Variants in ABR observed in about 807,000 individuals in gnomAD.
ABR encodes the protein active breakpoint cluster region-related protein.
ABR carries 35 observed loss-of-function variants against 107.2 expected under a neutral mutation model. That is an observed-to-expected ratio of 0.33 (90% CI 0.25 to 0.43). ABR has a LOEUF of 0.43. Ranked by LOEUF, ABR falls within the 20% of genes least tolerant of loss-of-function variation. ABR has a pLI of 1.00. For missense variants in ABR, 815 were observed against 1,115.2 expected (o/e 0.73, Z 3.83); for synonymous variants, 498 against 462.0 (o/e 1.08, Z -1.00).
intron 2 of ABR, among the ~76,000 whole-genome samples, chr17:1,118,460 G>A (rs78003297): frequency 5.0e-5 from 2 of 40,174 alleles, no homozygotes; most frequent in Admixed American, 2.9e-4. Flanking sequence ...TCCTCCCAGC[G>A]TTATCCCTGA....
chr17:1,106,033 G>C (rs1344630953), intron 2 of ABR, among the ~76,000 whole-genome samples: 1 of 152,180 alleles, frequency 6.6e-6, no homozygotes, highest in Admixed American at 6.5e-5. Flanking sequence ...TTTGGCAAGT[G>C]TAAGCCATTT....
intron 1 of ABR, among the ~76,000 whole-genome samples, chr17:1,153,254 G>A (rs1427105035): frequency 6.6e-6 from 1 of 152,198 alleles, no homozygotes; most frequent in African/African-American, 2.4e-5. Context: ...AAGGCCCCCT[G>A]ACACTACATG....
chr17:1,091,347 C>T (rs1465037939), intron 4 of ABR, among the ~76,000 whole-genome samples: 1 of 152,000 alleles, frequency 6.6e-6, no homozygotes, highest in Non-Finnish European at 1.5e-5. Context: ...GAAGGAGCAC[C>T]CTCCGGGAGA....
At chr17:1,159,250 G>A (rs953304972) in intron 1 of ABR, among the ~76,000 whole-genome samples, 67 of 127,368 alleles carry the variant, frequency 5.3e-4, no homozygotes, top group African/African-American at 8.8e-4. Flanking sequence ...ACTCACACAC[G>A]GGAGAAGTAG....
chr17:1,026,414 G>A (rs564007407), intron 16 of ABR, among the ~76,000 whole-genome samples: 4 of 152,352 alleles, frequency 2.6e-5, no homozygotes, highest in South Asian at 2.1e-4. Context: ...TGGCTGTGCC[G>A]GTCATCGGTA....
chr17:1,065,801 A>T (rs1186930574), intron 10 of ABR, among the ~76,000 whole-genome samples: 2 of 141,142 alleles, frequency 1.4e-5, no homozygotes, highest in Non-Finnish European at 3.0e-5. Flanking sequence ...GCTGGAGTGC[A>T]GCAGCGGAAT....
chr17:1,051,075 C>T lies in ABR; in HGVS notation c.1562-441G>A, dbSNP rs2032450432. Among the ~76,000 whole-genome samples, 1 of 152,162 alleles carries T rather than the reference C, an allele frequency of 6.6e-6. No individual in the cohort carries two copies. Among genetic ancestry groups the T allele is most frequent in the Non-Finnish European group, 1.5e-5 (1 of 68,028 alleles). The stretch of plus-strand genomic sequence containing the variant: ...TCTCCCCGTAACATGGGTGCCCAGG[C>T]CTCAACAGCGGCATTTGGGGTGGGA... On this transcript the variant is annotated intron_variant, in intron 14 of 22. Coordinates refer to ENST00000302538, the MANE Select transcript of ABR (RefSeq NM_021962.5). The surrounding 1 kb of genome is among the most constrained non-coding windows in gnomAD (Gnocchi z 4.3).
rs550452360 is a variant in ABR at position 1,223,445 on chromosome 17, G to A, written c.838+5348C>T. ...AGAGGGAAGTACTAATATTTGAGGCGGTACAGCTTGGTGTGCGAAAGCATG... is the reference window on the plus strand; with the variant it reads ...AGAGGGAAGTACTAATATTTGAGGCAGTACAGCTTGGTGTGCGAAAGCATG... On this transcript the variant is annotated intron_variant, in intron 1 of 22. Coordinates refer to the ABR transcript ENST00000574139. Among the ~76,000 whole-genome samples, 9 of 152,232 alleles carry A rather than the reference G, an allele frequency of 5.9e-5. No individual in the cohort carries two copies. The South Asian group carries it at 6.2e-4, about 11-fold the overall frequency.
chr17:1,122,886 G>A (rs1320521065), intron 2 of ABR, among the ~76,000 whole-genome samples: 2 of 152,196 alleles, frequency 1.3e-5, no homozygotes, highest in Non-Finnish European at 2.9e-5. Flanking sequence ...GCGATAAGGC[G>A]GTGCCAGAAG....
intron 2 of ABR, among the ~76,000 whole-genome samples, chr17:1,124,048 C>T (rs2039476941): frequency 6.6e-6 from 1 of 152,178 alleles, no homozygotes; most frequent in South Asian, 2.1e-4. Context: ...GCCTCTGTTG[C>T]CATGGCAGCA....
At position 1,035,149 on chromosome 17, in the gene ABR, G is replaced by A. The variant is rs567070369; in HGVS notation, c.1791+14901C>T. 6.3e-4 allele frequency among the ~76,000 whole-genome samples: 95 copies of A among 151,918 alleles called. 1 individual carries two copies. Among genetic ancestry groups the A allele is most frequent in the African/African-American group, 2.2e-3 (89 of 41,372 alleles). ...CAAGCCCGACTCATTGCTTCCTGGAGTCAATGGTCTTGGGTGGAAGAAGAT... is the reference window on the plus strand; with the variant it reads ...CAAGCCCGACTCATTGCTTCCTGGAATCAATGGTCTTGGGTGGAAGAAGAT... On this transcript the variant is annotated intron_variant, in intron 16 of 22. Transcript: ENST00000302538.
chr17:1,165,554 G>A (rs28644291), intron 1 of ABR, among the ~76,000 whole-genome samples: 40,657 of 151,858 alleles, frequency 0.27, 5,619 homozygotes, highest in Non-Finnish European at 0.32. Context: ...TTTCTGAGAC[G>A]AAGTTGTGCT....
intron 6 of ABR, among the ~76,000 whole-genome samples, chr17:1,075,557 A>G (rs1237229745): frequency 6.6e-6 from 1 of 150,726 alleles, no homozygotes; most frequent in Non-Finnish European, 1.5e-5. Context: ...TGCCTGTCGG[A>G]ATCACTGGGG....
At chr17:1,065,718 C>G (rs1423840664) in intron 10 of ABR, among the ~76,000 whole-genome samples, 1 of 150,098 alleles carries the variant, frequency 6.7e-6, no homozygotes, top group Non-Finnish European at 1.5e-5. Context: ...TTTACCTTGT[C>G]AGTTTGAACT....
chr17:1,015,938 G>A (rs1359556174), intron 16 of ABR, among the ~76,000 whole-genome samples: 1 of 152,174 alleles, frequency 6.6e-6, no homozygotes, highest in Non-Finnish European at 1.5e-5. Context: ...TTGTAAAGAT[G>A]TGCAGGTGCT....
intron 21 of ABR, among the ~76,000 whole-genome samples, chr17:1,008,231 G>T (rs2070219308): frequency 1.3e-5 from 2 of 152,208 alleles, no homozygotes; most frequent in African/African-American, 4.8e-5. Context: ...GCAGGCCCAG[G>T]GTCAGCAAAC....
rs922499568 is a variant in ABR, at chr17:1,150,721, A to C, written c.62-25354T>G. Among the ~76,000 whole-genome samples, 1 of 152,174 alleles carries C rather than the reference A, an allele frequency of 6.6e-6. No individual in the cohort carries two copies. Among genetic ancestry groups the C allele is most frequent in the Non-Finnish European group, 1.5e-5 (1 of 68,026 alleles). On this transcript the variant is annotated intron_variant, in intron 1 of 22. Coordinates refer to ENST00000302538, the MANE Select transcript of ABR (RefSeq NM_021962.5). This position sits in a 1 kb window ranked among gnomAD's most constrained non-coding sequence, Gnocchi z 4.8. ...CCTGCACGGCTCTAAACCAGAGGCA[A>C]CAGGGCACCCCACCCACTGGGAACC...
intron 1 of ABR, among the ~76,000 whole-genome samples, chr17:1,128,359 A>G (rs1168506774): frequency 2.6e-5 from 4 of 152,226 alleles, no homozygotes; most frequent in Non-Finnish European, 5.9e-5. Context: ...CAGATCTCAA[A>G]AAAGAAGAAA....
At chr17:1,096,767 CCCCGGGTGG>C (rs2037467760) in intron 3 of ABR, among the ~76,000 whole-genome samples, 1 of 137,680 alleles carries the variant, frequency 7.3e-6, no homozygotes, top group Non-Finnish European at 1.6e-5. Context: ...GGGGAACCTG[CCCCGGGTGG>C]AGAGAGCTGG....
Sources: allele counts gnomAD v4.1 joint callset (sites outside exome capture counted in the v4.1 genomes callset), GRCh38; gene constraint gnomAD v4.1.1; non-coding constraint Gnocchi (gnomAD v3.1); transcripts MANE v1.5; gene names NCBI Gene and HGNC (gene_info 2026-07-23, HGNC 2026-07-21).